The following NDC80 variants were observed in gnomAD, a reference collection of about 807,000 sequenced individuals.
NDC80 encodes kinetochore protein NDC80 homolog.
NDC80 carries 69 observed loss-of-function variants against 89.3 expected under a neutral mutation model. The observed-to-expected ratio is 0.77, with a 90% CI of 0.64 to 0.94. The LOEUF is 0.94. NDC80 is among the 40% of genes least tolerant of loss of function. The pLI is 0.00. For missense variants in NDC80, 593 were observed against 739.6 expected (o/e 0.80, Z 2.30); for synonymous variants, 243 against 255.6 (o/e 0.95, Z 0.47).
chr18:2,588,120 T>C (rs1257495403), intron 8 of NDC80, among the ~76,000 whole-genome samples, 197 bp downstream of exon 8: 3 of 152,212 alleles, frequency 2.0e-5, no homozygotes, highest in East Asian at 3.8e-4. Flanking sequence ...GAGCCAGACC[T>C]GAGCCATAAC....
At chr18:2,611,032 G>T (rs1229938149) in intron 16 of NDC80, among the ~76,000 whole-genome samples, 171 bp downstream of exon 16, 1 of 150,296 alleles carries the variant, frequency 6.7e-6, no homozygotes, top group Non-Finnish European at 1.5e-5. Context: ...GTGATGCAGG[G>T]GAACACTTGA....
chr18:2,610,718 T>G (rs1302176507), intron 15 of NDC80, 41 bp from the exon 16 acceptor site: 1 of 1,416,222 alleles, frequency 7.1e-7, no homozygotes, highest in Non-Finnish European at 9.7e-7. Context: ...ATGTATTAAT[T>G]TTTTTCCTGG....
chr18:2,587,313 T>C (rs1261192746), intron 7 of NDC80, among the ~76,000 whole-genome samples: 3 of 152,246 alleles, frequency 2.0e-5, no homozygotes, highest in Non-Finnish European at 4.4e-5. Flanking sequence ...TCTAGTATTG[T>C]ACTGTTTAGA....
In NDC80 at chr18:2,614,633, GAAAGAAAGAAAGAAAGAAAGAAAT is replaced by G. The variant is rs1214734571; in HGVS notation, c.1792-1800_1792-1777del. Among the ~76,000 whole-genome samples the G allele has an allele frequency of 3.8e-3, 284 of 75,172 alleles. 81 individuals are homozygous for G. Among genetic ancestry groups the G allele is most frequent in the African/African-American group, 0.013 (170 of 13,528 alleles). The allele number at this position is 75,172 out of a possible 152,430, so 49.3% of individuals were successfully genotyped here. On this transcript the variant is annotated intron_variant, in intron 16 of 16. Coordinates refer to ENST00000261597, the MANE Select transcript of NDC80 (RefSeq NM_006101.3). Reference sequence around the variant, plus strand: ...AGAAAGAAAGAAAGAAAGAAAGAAAGAAAGAAAGAAAGAAAGAAAGAAATAAATTTGGCAATCCGAAAAACCAAC... The same window carrying G: ...AGAAAGAAAGAAAGAAAGAAAGAAAGAAATTTGGCAATCCGAAAAACCAAC...
chr18:2,580,967 T>C (rs573758891), intron 6 of NDC80, among the ~76,000 whole-genome samples: 116 of 151,670 alleles, frequency 7.6e-4, no homozygotes, highest in African/African-American at 2.6e-3. Flanking sequence ...GTCTCAAACT[T>C]CTGACCTCGT....
intron 12 of NDC80, among the ~76,000 whole-genome samples, chr18:2,599,676 T>G (rs942394322): frequency 6.6e-6 from 1 of 152,202 alleles, no homozygotes; most frequent in African/African-American, 2.4e-5. Context: ...AATTGGTGCC[T>G]AATTTTAAAA....
At chr18:2,600,620 CAGAG>C (rs1213985618) in intron 12 of NDC80, among the ~76,000 whole-genome samples, 6 of 150,182 alleles carry the variant, frequency 4.0e-5, no homozygotes, top group African/African-American at 1.2e-4. Flanking sequence ...AAAAAAAAAA[CAGAG>C]AGAGAGATTG....
intron 16 of NDC80, among the ~76,000 whole-genome samples, chr18:2,612,231 T>C (rs906790592): frequency 1.0e-4 from 15 of 150,400 alleles, no homozygotes; most frequent in Non-Finnish European, 1.2e-4. Context: ...GCAGTTGTGC[T>C]AAACAGTTGT....
chr18:2,582,530 T>G (rs185559065), intron 6 of NDC80: 1 of 152,358 alleles, frequency 6.6e-6, no homozygotes, highest in African/African-American at 2.4e-5. Context: ...ATTGCTTTAT[T>G]ACAACTACTG....
chr18:2,600,597 G>A (rs1598243280), intron 12 of NDC80, among the ~76,000 whole-genome samples: 1 of 150,548 alleles, frequency 6.6e-6, no homozygotes, highest in Non-Finnish European at 1.5e-5. Context: ...AACAGAGTGA[G>A]ATTCCATCTC....
At chr18:2,585,642 T>C (rs2072599669) in intron 7 of NDC80, among the ~76,000 whole-genome samples, 1 of 152,208 alleles carries the variant, frequency 6.6e-6, no homozygotes, top group South Asian at 2.1e-4. Context: ...TTCTGTAGAG[T>C]TGTTTTTTTG....
chr18:2,608,774 T>A lies in NDC80; in HGVS notation c.1632T>A (p.Ser544Arg). 2 of 1,613,386 alleles carry A rather than the reference T, an allele frequency of 1.2e-6. No individual in the cohort carries two copies. The highest frequency in any genetic ancestry group is 1.7e-6 in the Non-Finnish European group (2 of 1,179,442). ...SLEKHKHLLE[S>R]TVNQGLSEAM... ...AGAAACACAAGCACCTGCTAGAAAG[T>A]ACTGTTAACCAGGGGCTCAGTGAAG... Residue 544 changes from serine to arginine, a missense_variant, in exon 15 of 17, where the codon AGT (serine) becomes AGA (arginine). Physicochemically the swap from Ser to Arg is moderately radical, Grantham distance 110. Transcript: ENST00000261597.
chr18:2,611,328 C>A (rs566828920), intron 16 of NDC80, among the ~76,000 whole-genome samples: 1 of 152,124 alleles, frequency 6.6e-6, no homozygotes, highest in African/African-American at 2.4e-5. Context: ...GGATTACAGG[C>A]GTGAGCCACC....
At chr18:2,586,606 T>C (rs1191787377) in intron 7 of NDC80, among the ~76,000 whole-genome samples, 2 of 152,102 alleles carry the variant, frequency 1.3e-5, no homozygotes, top group Non-Finnish European at 2.9e-5. Context: ...GGTGCGTGCC[T>C]GTGGTCCCAG....
intron 10 of NDC80, among the ~76,000 whole-genome samples, chr18:2,592,211 T>C (rs1395564553): frequency 6.6e-6 from 1 of 152,110 alleles, no homozygotes; most frequent in Non-Finnish European, 1.5e-5. Context: ...CATTCCAGAG[T>C]GATTTAGTTT....
intron 13 of NDC80, among the ~76,000 whole-genome samples, chr18:2,605,722 TA>T (rs375999579): frequency 0.028 from 4,216 of 151,950 alleles, 106 homozygotes; most frequent in Middle Eastern, 0.061. Flanking sequence ...AATTATCCTT[TA>T]AAAAAAAGTC....
intron 16 of NDC80, among the ~76,000 whole-genome samples, chr18:2,613,717 C>CA (rs1298971804): frequency 2.0e-5 from 3 of 151,928 alleles, no homozygotes; most frequent in African/African-American, 7.3e-5. Context: ...GCACAAACCA[C>CA]AAAAAAATTA....
rs2072558122 is a variant in NDC80 at position 2,578,275 on chromosome 18, T to C, written c.476+134T>C. 13 of 814,844 alleles carry C rather than the reference T, an allele frequency of 1.6e-5. No homozygotes were observed. The East Asian group carries it at 2.4e-4, about 15-fold the overall frequency. The allele number at this position is 814,844 out of a possible 1,614,324, so 50.5% of individuals were successfully genotyped here. ...ACCACTGTGGGCAATATATGTAGGA[T>C]AAATTGAAGAGAAAAAAAGCAACTG... On this transcript the variant is annotated intron_variant, in intron 5 of 16. Transcript: ENST00000261597.
At chr18:2,593,824 T>C in intron 10 of NDC80, 1 of 293,638 alleles carries the variant, frequency 3.4e-6, no homozygotes, top group Non-Finnish European at 6.8e-6. Context: ...TTTCCGTCAT[T>C]TATAATTTCT....
Sources: allele counts gnomAD v4.1 joint callset (sites outside exome capture counted in the v4.1 genomes callset), GRCh38; gene constraint gnomAD v4.1.1; transcripts MANE v1.5; gene names NCBI Gene and HGNC (gene_info 2026-07-23, HGNC 2026-07-21).